The following FMN1 variants were observed in gnomAD, a reference collection of about 807,000 sequenced individuals.
FMN1 encodes formin-1.
A neutral mutation model predicts 132.4 loss-of-function variants in FMN1; 110 were observed. The observed-to-expected ratio is 0.83, with a 90% CI of 0.71 to 0.97. The LOEUF (loss-of-function observed/expected upper bound fraction) is 0.97, where lower values mean the gene tolerates loss of function less well. Ranked by LOEUF, FMN1 falls within the 50% of genes least tolerant of loss-of-function variation. The pLI, the probability that FMN1 is intolerant of heterozygous loss-of-function variation, is 0.00. For missense variants in FMN1, 1,792 were observed against 1,705.3 expected, an observed-to-expected ratio of 1.05 and a Z score of -0.90; for synonymous variants, 722 against 651.7, an observed-to-expected ratio of 1.11 and a Z score of -1.64.
chr15:32,845,632 T>C (rs1046072481), intron 17 of FMN1, among the ~76,000 whole-genome samples: 2 of 152,090 alleles, frequency 1.3e-5, no homozygotes, highest in Non-Finnish European at 2.9e-5. Flanking sequence ...AGTTTTCTTA[T>C]CTGGAAAGTT....
At chr15:33,083,204 G>A (rs978635017) in intron 5 of FMN1, among the ~76,000 whole-genome samples, 11 of 152,252 alleles carry the variant, frequency 7.2e-5, no homozygotes, top group South Asian at 2.1e-4. Flanking sequence ...AGTGATAAGA[G>A]CCATAGAAGT....
At chr15:32,987,078 T>C (rs1177028096) in intron 7 of FMN1, among the ~76,000 whole-genome samples, 1 of 152,158 alleles carries the variant, frequency 6.6e-6, no homozygotes, top group Non-Finnish European at 1.5e-5. Flanking sequence ...CCAGGCAATT[T>C]TTCTATTTTA....
intron 17 of FMN1, chr15:32,811,237 T>C: frequency 2.7e-6 from 1 of 371,164 alleles, no homozygotes; most frequent in Non-Finnish European, 5.3e-6. Flanking sequence ...CTGGTCTTCC[T>C]AAGTTATTAG....
At chr15:33,125,645 G>C (rs1962985892) in intron 4 of FMN1, among the ~76,000 whole-genome samples, 1 of 151,568 alleles carries the variant, frequency 6.6e-6, no homozygotes. Context: ...TTCAAGACTA[G>C]CCTGGTCAAC....
chr15:33,053,559 A>G (rs1453394135), intron 6 of FMN1, among the ~76,000 whole-genome samples: 1 of 152,154 alleles, frequency 6.6e-6, no homozygotes, highest in Non-Finnish European at 1.5e-5. Context: ...GGCCAATAGC[A>G]AGTACTGGGT....
intron 17 of FMN1, among the ~76,000 whole-genome samples, chr15:32,843,082 A>C (rs893423870): frequency 6.6e-6 from 1 of 150,692 alleles, no homozygotes; most frequent in Non-Finnish European, 1.5e-5. Flanking sequence ...AGCCGAGATC[A>C]CACCATTGCA....
At chr15:33,078,752 C>T (rs1278301057) in intron 5 of FMN1, among the ~76,000 whole-genome samples, 1 of 152,048 alleles carries the variant, frequency 6.6e-6, no homozygotes, top group Non-Finnish European at 1.5e-5. Context: ...TTCTAAATAG[C>T]TCATATGGGT....
At chr15:33,048,644 A>AAAAAAAAAAAAAC in intron 6 of FMN1, among the ~76,000 whole-genome samples, 2 of 86,918 alleles carry the variant, frequency 2.3e-5, no homozygotes, top group African/African-American at 4.1e-5. Flanking sequence ...AAAAAAAAAA[A>AAAAAAAAAAAAAC]AAAAACCAAC....
Position 33,116,691 on chromosome 15 carries a change from G to A in FMN1, c.1868-27717C>T, listed in dbSNP as rs770752396. Among the ~76,000 whole-genome samples, 23 of 152,152 alleles carry A rather than the reference G, an allele frequency of 1.5e-4. 1 individual carries two copies. The highest frequency in any genetic ancestry group is 2.1e-4 in the South Asian group (1 of 4,814). ...GCCTGTGATAAAGCAGTTGTAGAGA[G>A]GAAATTCATATTGAAGCCCAAACAT... On this transcript the variant is annotated intron_variant, in intron 4 of 20. Coordinates refer to ENST00000616417, the MANE Select transcript of FMN1 (RefSeq NM_001277313.2).
rs923687999 is a variant in FMN1 at position 32,769,131 on chromosome 15, T to C, written c.*5179A>G. 2.0e-5 allele frequency: 3 copies of C among 152,214 alleles called. No individual in the cohort carries two copies. The highest frequency in any genetic ancestry group is 7.2e-5 in the African/African-American group (3 of 41,440). 9.4% of individuals were successfully genotyped at this position (152,214 alleles called of 1,614,324 possible). On this transcript the variant is annotated 3_prime_UTR_variant, in exon 21 of 21. Coordinates refer to ENST00000616417, the MANE Select transcript of FMN1 (RefSeq NM_001277313.2). ...AATCTCTCCATTGGTAGAAATTGCATAGTGGCTTAAGAGACAGTTAGCCAG... is the reference window on the plus strand; with the variant it reads ...AATCTCTCCATTGGTAGAAATTGCACAGTGGCTTAAGAGACAGTTAGCCAG...
intron 4 of FMN1, among the ~76,000 whole-genome samples, chr15:33,138,475 C>T (rs1374354860): frequency 1.3e-5 from 2 of 152,126 alleles, no homozygotes; most frequent in African/African-American, 4.8e-5. Flanking sequence ...TGGCACGTCC[C>T]TCAACGTTCC....
At position 33,088,946 on chromosome 15, in the gene FMN1, G is replaced by A. The variant is rs891675515; in HGVS notation, c.1896C>T (p.Asp632=). Residue 632 remains aspartate, a synonymous_variant, in exon 5 of 21, where the codon GAC becomes GAT. Coordinates refer to ENST00000616417, the MANE Select transcript of FMN1 (RefSeq NM_001277313.2). ...CTTTAGGTGTCTGCTCATTGAAGCCGTCCCAGGGAAAGCCCTCAGAGGAGA... is the reference window on the plus strand; with the variant it reads ...CTTTAGGTGTCTGCTCATTGAAGCCATCCCAGGGAAAGCCCTCAGAGGAGA... ...PGISSEGFPW[D]GFNEQTPKDL... 2.0e-5 allele frequency: 31 copies of A among 1,535,668 alleles called. No homozygotes were observed. The South Asian group carries it at 2.6e-4, about 13-fold the overall frequency.
chr15:33,045,832 T>A (rs190622699), intron 6 of FMN1, among the ~76,000 whole-genome samples: 13 of 152,254 alleles, frequency 8.5e-5, no homozygotes, highest in Non-Finnish European at 1.5e-4. Context: ...GGAAAAAAAA[T>A]CATTGGCTAA....
intron 3 of FMN1, among the ~76,000 whole-genome samples, chr15:33,163,014 T>C (rs1443187595): frequency 6.6e-6 from 1 of 151,946 alleles, no homozygotes; most frequent in African/African-American, 2.4e-5. Flanking sequence ...ACCAGCTACC[T>C]AGGAAACTAA....
At chr15:32,963,401 C>G (rs1017256864) in intron 9 of FMN1, among the ~76,000 whole-genome samples, 2 of 151,470 alleles carry the variant, frequency 1.3e-5, no homozygotes, top group African/African-American at 2.4e-5. Flanking sequence ...TGCTAGATGA[C>G]GCGTTAGTGG....
chr15:32,922,788 T>C (rs1337987447), intron 10 of FMN1, among the ~76,000 whole-genome samples: 3 of 152,226 alleles, frequency 2.0e-5, no homozygotes, highest in African/African-American at 7.2e-5. Flanking sequence ...ATCAACTTAA[T>C]GGTAGAGTTT....
intron 7 of FMN1, among the ~76,000 whole-genome samples, chr15:32,983,034 CAT>C (rs1456892509): frequency 6.6e-6 from 1 of 152,088 alleles, no homozygotes; most frequent in Non-Finnish European, 1.5e-5. Flanking sequence ...TACACGCACA[CAT>C]AGACGCACAC....
chr15:33,052,043 G>A (rs371193284), intron 6 of FMN1, among the ~76,000 whole-genome samples: 4 of 152,124 alleles, frequency 2.6e-5, no homozygotes, highest in African/African-American at 7.2e-5. Flanking sequence ...TCTTTCTTCT[G>A]AGGAGGAAAG....
intron 5 of FMN1, among the ~76,000 whole-genome samples, chr15:33,073,143 G>A (rs901642871): frequency 2.0e-5 from 3 of 152,146 alleles, no homozygotes; most frequent in African/African-American, 7.2e-5. Flanking sequence ...ACTCTTTGTA[G>A]CACTTCTCGC....
Sources: allele counts gnomAD v4.1 joint callset (sites outside exome capture counted in the v4.1 genomes callset), GRCh38; gene constraint gnomAD v4.1.1; transcripts MANE v1.5; gene names NCBI Gene and HGNC (gene_info 2026-07-23, HGNC 2026-07-21).